MGAT4C: variants seen among roughly 807,000 people sequenced by gnomAD.
MGAT4C encodes MGAT4 family member C.
MGAT4C carries 19 observed loss-of-function variants against 40.1 expected under a neutral mutation model. That is an observed-to-expected ratio of 0.47 (90% CI 0.33 to 0.70). The LOEUF (loss-of-function observed/expected upper bound fraction) is 0.70. Ranked by LOEUF, MGAT4C falls within the 30% of genes least tolerant of loss-of-function variation. MGAT4C has a pLI of 0.02. For synonymous variants in MGAT4C, 181 were observed against 187.1 expected (o/e 0.97, Z 0.27); for missense variants, 491 against 563.2 (o/e 0.87, Z 1.30).
At chr12:86,783,531 T>C (rs561136183) in intron 1 of MGAT4C, among the ~76,000 whole-genome samples, 45 of 152,296 alleles carry the variant, frequency 3.0e-4, no homozygotes, top group African/African-American at 1.1e-3. Context: ...TTATTGTTTG[T>C]CTCTCCCACT....
chr12:86,764,385 C>G (rs897649669), intron 1 of MGAT4C, among the ~76,000 whole-genome samples: 4 of 152,162 alleles, frequency 2.6e-5, no homozygotes, highest in Admixed American at 6.5e-5. Flanking sequence ...TGGAGCCCAC[C>G]ACAGCTCAAG....
intron 3 of MGAT4C, among the ~76,000 whole-genome samples, chr12:86,362,001 A>T (rs1349396916): frequency 6.6e-6 from 1 of 152,260 alleles, no homozygotes; most frequent in Non-Finnish European, 1.5e-5. Flanking sequence ...TACGCAAAGG[A>T]TTATAAACCA....
intron 2 of MGAT4C, among the ~76,000 whole-genome samples, chr12:86,569,629 G>A (rs1381726249): frequency 6.6e-6 from 1 of 151,982 alleles, no homozygotes; most frequent in Non-Finnish European, 1.5e-5. Flanking sequence ...AAACAGTACT[G>A]ATATTTCTCA....
chr12:86,799,982 G>A (rs987754807), intron 1 of MGAT4C, among the ~76,000 whole-genome samples: 19 of 151,866 alleles, frequency 1.3e-4, no homozygotes, highest in Non-Finnish European at 2.7e-4. Flanking sequence ...GTCAAAACAT[G>A]AAAATGGGTG....
intron 2 of MGAT4C, among the ~76,000 whole-genome samples, chr12:86,507,714 C>T (rs1958495326): frequency 6.6e-6 from 1 of 152,132 alleles, no homozygotes; most frequent in African/African-American, 2.4e-5. Context: ...TTTGGGGTTT[C>T]CCTCTTATGC....
intron 2 of MGAT4C, among the ~76,000 whole-genome samples, chr12:86,667,616 T>G (rs1247473001): frequency 6.6e-6 from 1 of 152,198 alleles, no homozygotes; most frequent in Non-Finnish European, 1.5e-5. Context: ...ACTCAAATCT[T>G]TCCTTGCAAT....
intron 3 of MGAT4C, among the ~76,000 whole-genome samples, chr12:86,360,173 G>T (rs757237898): frequency 8.5e-5 from 13 of 152,124 alleles, no homozygotes; most frequent in Non-Finnish European, 1.6e-4. Flanking sequence ...ATGCAAGGCT[G>T]GTTCAACATA....
chr12:86,741,903 A>G (rs981015641), intron 1 of MGAT4C, among the ~76,000 whole-genome samples: 1 of 151,488 alleles, frequency 6.6e-6, no homozygotes, highest in African/African-American at 2.4e-5. Flanking sequence ...CATATTTAAA[A>G]GTAAACAAGC....
intron 1 of MGAT4C, among the ~76,000 whole-genome samples, chr12:86,170,127 T>G (rs1021670902): frequency 2.0e-5 from 3 of 152,188 alleles, no homozygotes; most frequent in Admixed American, 2.0e-4. Flanking sequence ...GACAGTATGA[T>G]TAGTTGTTGG....
chr12:86,760,465 A>G (rs931560523), intron 1 of MGAT4C, among the ~76,000 whole-genome samples: 1 of 152,134 alleles, frequency 6.6e-6, no homozygotes, highest in Non-Finnish European at 1.5e-5. Context: ...ATGAGAATGC[A>G]GAACTGTTAC....
intron 2 of MGAT4C, among the ~76,000 whole-genome samples, chr12:86,671,693 A>C (rs1964260337): frequency 6.6e-6 from 1 of 152,176 alleles, no homozygotes; most frequent in African/African-American, 2.4e-5. Context: ...AAAAACTGTA[A>C]GAAGAGAGAA....
At chr12:86,564,358 C>A (rs1221930524) in intron 2 of MGAT4C, among the ~76,000 whole-genome samples, 2 of 152,042 alleles carry the variant, frequency 1.3e-5, no homozygotes, top group African/African-American at 4.8e-5. Flanking sequence ...CTGGCAAGGC[C>A]AGCAATATAC....
chr12:86,831,277 C>T (rs1952922283), intron 1 of MGAT4C, among the ~76,000 whole-genome samples: 1 of 151,654 alleles, frequency 6.6e-6, no homozygotes, highest in African/African-American at 2.4e-5. Flanking sequence ...TTTTCTGAAG[C>T]TCGAATCATT....
In MGAT4C at chr12:86,777,240, T is replaced by C. The variant is rs73393158; in HGVS notation, c.-261-49999A>G. Among the ~76,000 whole-genome samples the C allele has an allele frequency of 3.1e-3, 472 of 152,342 alleles. 5 individuals carry two copies. The highest frequency in any genetic ancestry group is 0.011 in the African/African-American group (456 of 41,588). On this transcript the variant is annotated intron_variant, in intron 1 of 7. Transcript: ENST00000548651. ...GTATATATTCATTGTGGAATGGCTATTAAATCCAAATACAAGCTTAACAAA... is the reference window on the plus strand; with the variant it reads ...GTATATATTCATTGTGGAATGGCTACTAAATCCAAATACAAGCTTAACAAA...
At chr12:86,136,903 G>C (rs1199130082) in intron 1 of MGAT4C, among the ~76,000 whole-genome samples, 2 of 152,012 alleles carry the variant, frequency 1.3e-5, no homozygotes, top group Non-Finnish European at 2.9e-5. Flanking sequence ...GGCCAGGCTG[G>C]TCTCGAACTC....
chr12:86,164,769 G>T (rs1886002679), intron 1 of MGAT4C, among the ~76,000 whole-genome samples: 1 of 152,150 alleles, frequency 6.6e-6, no homozygotes, highest in African/African-American at 2.4e-5. Context: ...CAGAGTGTGA[G>T]GGTGAGACAA....
chr12:86,154,917 G>A (rs951153726), intron 1 of MGAT4C, among the ~76,000 whole-genome samples: 12 of 152,092 alleles, frequency 7.9e-5, no homozygotes, highest in African/African-American at 2.2e-4. Flanking sequence ...CTCATATTAC[G>A]GTGGAAATAA....
intron 1 of MGAT4C, among the ~76,000 whole-genome samples, chr12:86,067,549 G>A (rs1020846197): frequency 6.6e-6 from 1 of 151,608 alleles, no homozygotes; most frequent in African/African-American, 2.4e-5. Flanking sequence ...ACACACCGGG[G>A]CCTGTTGGGG....
At chr12:86,776,509 T>C (rs1951750821) in intron 1 of MGAT4C, among the ~76,000 whole-genome samples, 1 of 152,026 alleles carries the variant, frequency 6.6e-6, no homozygotes, top group African/African-American at 2.4e-5. Context: ...CTTACTCAAA[T>C]ATAACTAAAC....
Sources: gnomAD v4.1 joint callset for allele counts (sites outside exome capture counted in the v4.1 genomes callset) on GRCh38, gnomAD v4.1.1 for gene constraint, MANE v1.5 for transcripts, NCBI Gene and HGNC (gene_info 2026-07-23, HGNC 2026-07-21) for gene names.